Variants in CDHR4 observed in about 807,000 individuals in gnomAD.
The protein encoded by CDHR4 is cadherin-related family member 4.
In CDHR4, 89 loss-of-function variants were observed where a neutral mutation model predicts 88.4. That is an observed-to-expected ratio of 1.01 (90% confidence interval 0.85 to 1.20). The LOEUF is 1.20. Among genes scored for constraint, CDHR4 ranks in the 50% most tolerant of loss-of-function variants. The probability of loss-of-function intolerance (pLI) is 0.00; values close to 1 mark genes in which losing one functional copy is unlikely to be tolerated. For synonymous variants in CDHR4, 368 were observed against 399.2 expected (o/e 0.92, Z 0.93); for missense variants, 914 against 1,007.2 (o/e 0.91, Z 1.25).
Position 49,791,777 on chromosome 3 carries a change from G to A in CDHR4, c.2220C>T (p.Ile740=), listed in dbSNP as rs536877712. The A allele has an allele frequency of 1.4e-5, 21 of 1,551,706 alleles. No homozygotes were observed. In the Admixed American group the frequency reaches 1.4e-4, roughly 10 times the overall value. ...LNSIQGTEGS[I]EGFLEAPKME... is the part of the protein sequence containing the mutation. ...TCTTCGGTGCCTCCAGGAAACCCTC[G>A]ATGGATCCCTCAGTTCCCTGGATGC... is the stretch of plus-strand genomic sequence containing the variant. Residue 740 remains isoleucine (I), a synonymous_variant, in exon 17 of 19, where the codon ATC becomes ATT. Transcript: ENST00000412678.
Position 49,797,024 on chromosome 3 carries a change from A to G in CDHR4, c.504T>C (p.Ile168=). ...GLELHGAQMS[I]ISAQDLPHFP... Reference sequence around the variant, plus strand: ...AGTGTGGCAGGTCCTGGGCACTGATAATGCTCATCTGACAGAACAGAGATG... The same window carrying G: ...AGTGTGGCAGGTCCTGGGCACTGATGATGCTCATCTGACAGAACAGAGATG... Residue 168 remains isoleucine (I), a synonymous_variant, in exon 5 of 19, where the codon ATT becomes ATC. Coordinates refer to ENST00000412678, the MANE Select transcript of CDHR4 (RefSeq NM_001007540.4). 6.4e-7 allele frequency: 1 copy of G among 1,551,516 alleles called. No individual in the cohort carries two copies.
intron 18 of CDHR4, 50 bp from the exon 19 acceptor site, chr3:49,790,937 A>C: frequency 1.4e-6 from 2 of 1,418,796 alleles, no homozygotes; most frequent in Non-Finnish European, 1.9e-6. Context: ...CTGGCCCCAG[A>C]AGAACTGCCT....
rs2081328687 is a variant in CDHR4 at position 49,799,373 on chromosome 3, C to T, written c.114G>A (p.Gln38=). 2 of 1,612,164 alleles carry T rather than the reference C, an allele frequency of 1.2e-6. No individual in the cohort carries two copies. The highest frequency in any genetic ancestry group is 2.2e-5 in the South Asian group (2 of 90,690). The change falls in exon 2 of 19, where the codon CAG becomes CAA. Residue 38 remains glutamine (Q), a synonymous_variant. Transcript: ENST00000412678. ...AGGAGGAGCAGTTGAAGGATAAAAA[C>T]TGAAGGACTGTGCCAGGGCCCTGGC... ...SESQGPGTVL[Q]FLSFNCSSYT...
upstream of CDHR4, chr3:49,799,975 C>T (rs1230113921): frequency 1.6e-6 from 1 of 638,080 alleles, no homozygotes. Flanking sequence ...AGTTCTAGAC[C>T]TCTGGCAGGC....
At chr3:49,800,735 T>G (rs999633181), upstream of CDHR4, among the ~76,000 whole-genome samples, 2 of 151,916 alleles carry the variant, frequency 1.3e-5, no homozygotes, top group African/African-American at 4.8e-5. Context: ...TTGAGATCTG[T>G]CTATTTATTG....
chr3:49,799,251 C>A lies in CDHR4; in HGVS notation c.236G>T (p.Gly79Val). The change falls in exon 2 of 19, where the codon GGC becomes GTC. Residue 79 changes from glycine (G) to valine (V), a missense_variant. Gly to Val is a moderately radical substitution (Grantham distance 109). Coordinates refer to ENST00000412678, the MANE Select transcript of CDHR4 (RefSeq NM_001007540.4). ...CAGCTGTACACATGACCCTACCTTG[C>A]CCACATAGGTCCCTTGCCACCTGGC... ...SLARWQGTYV[G>V]KLTLSSSAQL... The A allele has an allele frequency of 6.2e-7, 1 of 1,613,436 alleles. No homozygotes were observed. Among genetic ancestry groups the A allele is most frequent in the Admixed American group, 1.7e-5 (1 of 59,976 alleles).
chr3:49,791,667 C>T, intron 17 of CDHR4, 47 bp downstream of exon 17: 1 of 1,546,916 alleles, frequency 6.5e-7, no homozygotes. Context: ...GGGGAGTACT[C>T]TGAAGCACCC....
rs994656632 is a variant in CDHR4 at position 49,793,975 on chromosome 3, G to A, written c.1311C>T (p.Pro437=). 3.2e-6 allele frequency: 5 copies of A among 1,551,692 alleles called. No homozygotes were observed. In the East Asian group the frequency reaches 1.2e-4, roughly 38 times the overall value. Residue 437 remains proline, a synonymous_variant, in exon 11 of 19, where the codon CCC becomes CCT. Transcript: ENST00000412678. The part of the protein sequence containing the change: ...TEVPVLVMVT[P]INEFSPACAP... ...CACAGGCTGGGGAGAACTCGTTGAT[G>A]GGTGTCACCATCACCAGTACCGGCA... is the stretch of plus-strand genomic sequence containing the variant.
Position 49,799,323 on chromosome 3 carries a change from A to T in CDHR4, c.164T>A (p.Leu55Ter). 2.5e-6 allele frequency: 4 copies of T among 1,613,928 alleles called. No homozygotes were observed. The highest frequency in any genetic ancestry group is 2.5e-6 in the Non-Finnish European group (3 of 1,179,858). ...GGTGGTGGGTGGCTGGACATTGAGC[A>T]ACTCCAGGGTGGGTGTGGGCGTGTA... Reference protein sequence around the residue: ...SSYTPTPTLELLNVQPPTTFF... With the variant: ...SSYTPTPTLE The change falls in exon 2 of 19, where the codon TTG becomes TAG. Residue 55 changes from leucine (L) to a stop codon, truncating the protein, a stop_gained. Coordinates refer to ENST00000412678, the MANE Select transcript of CDHR4 (RefSeq NM_001007540.4). LOFTEE classifies it high-confidence loss of function.
At chr3:49,792,774 T>C in intron 14 of CDHR4, 80 bp downstream of exon 14, 3 of 1,460,956 alleles carry the variant, frequency 2.1e-6, no homozygotes, top group Admixed American at 2.3e-5. Flanking sequence ...TTCCCCATAG[T>C]TCCACCTGAA....
chr3:49,792,573 G>A lies in CDHR4; in HGVS notation c.2033C>T (p.Thr678Ile), dbSNP rs745827375. The stretch of plus-strand genomic sequence containing the variant: ...GGGCTGTGGCTGCCAGAAAGCCTCT[G>A]TGTCTGTCACGAGCATGGGTGTCAT... ...STMTPMLVTD[T>I]EAFWQPQPWF... is the part of the protein sequence containing the mutation. Residue 678 changes from threonine to isoleucine, a missense_variant, in exon 15 of 19, where the codon ACA becomes ATA. Transcript: ENST00000412678. The A allele has an allele frequency of 1.3e-6, 2 of 1,551,698 alleles. 1 individual carries two copies. Among genetic ancestry groups the A allele is most frequent in the South Asian group, 2.4e-5 (2 of 84,060 alleles).
intron 18 of CDHR4, 122 bp from the exon 19 acceptor site, chr3:49,791,009 C>T: frequency 1.3e-6 from 1 of 741,328 alleles, no homozygotes. Flanking sequence ...GACATCCCAC[C>T]TTCGCTGGAA....
chr3:49,794,092 T>TG (rs953010776), intron 10 of CDHR4, 86 bp from the exon 11 acceptor site: 111 of 1,357,536 alleles, frequency 8.2e-5, no homozygotes, highest in Non-Finnish European at 1.1e-4. Flanking sequence ...GGCCCTGCCC[T>TG]GGGGGTCTAA....
rs779824210 is a variant in CDHR4 at position 49,790,852 on chromosome 3, CTG to C, written c.2345_2346del (p.Thr782ArgfsTer33). On this transcript the variant is annotated frameshift_variant, in exon 19 of 19. Coordinates refer to ENST00000412678, the MANE Select transcript of CDHR4 (RefSeq NM_001007540.4). LOFTEE classifies it high-confidence loss of function. ...TGGCCTCAGAGCCAGCGCCGGGCTC[CTG>C]TGTGTGTGTTAAACAGGTAGTCTCT... ...TGRDYLFNTH[T>X]GARRWL 3 of 1,551,038 alleles carry C rather than the reference CTG, an allele frequency of 1.9e-6. No individual in the cohort carries two copies. Among genetic ancestry groups the C allele is most frequent in the Non-Finnish European group, 1.7e-6 (2 of 1,146,566 alleles).
rs775219473 is a variant in CDHR4, at chr3:49,791,950, C to G, written c.2148G>C (p.Gln716His). Residue 716 changes from glutamine to histidine, a missense_variant, in exon 16 of 19, where the codon CAG (glutamine) becomes CAC (histidine). Coordinates refer to ENST00000412678, the MANE Select transcript of CDHR4 (RefSeq NM_001007540.4). Reference sequence around the variant, plus strand: ...CTGGTTTGCTGGGTGCTTGCAGCAGCTGGGCCAACCTAAAATGCCAGGAGG... The same window carrying G: ...CTGGTTTGCTGGGTGCTTGCAGCAGGTGGGCCAACCTAAAATGCCAGGAGG... Reference protein sequence around the residue: ...LLGRLLQGLAQLLQAPSKPAQ... With the variant: ...LLGRLLQGLAHLLQAPSKPAQ... 2.1e-5 allele frequency: 32 copies of G among 1,551,556 alleles called. No individual in the cohort carries two copies. In the East Asian group the frequency reaches 6.6e-4, roughly 32 times the overall value.
upstream of CDHR4, chr3:49,799,953 C>A (rs2081338603): frequency 4.1e-6 from 3 of 740,716 alleles, no homozygotes; most frequent in Admixed American, 5.2e-5. Context: ...CCCCACCCAT[C>A]CCTGGTGACT....
Position 49,793,288 on chromosome 3 carries a change from C to G in CDHR4, c.1647G>C (p.Glu549Asp). Reference sequence around the variant, plus strand: ...TGAGTTCCTGAAATGGGGGCTCACACTCGGGGGCATGGTCATTCACATCCT... The same window carrying G: ...TGAGTTCCTGAAATGGGGGCTCACAGTCGGGGGCATGGTCATTCACATCCT... The part of the protein sequence containing the change: ...EVEDVNDHAP[E>D]CEPPFQELTI... Residue 549 changes from glutamate to aspartate, a missense_variant, in exon 13 of 19, where the codon GAG (glutamate) becomes GAC (aspartate). Glu to Asp is a conservative substitution (Grantham distance 45, BLOSUM62 2). Transcript: ENST00000412678. 1 of 1,551,604 alleles carries G rather than the reference C, an allele frequency of 6.4e-7. No homozygotes were observed.
intron 4 of CDHR4, 62 bp from the exon 5 acceptor site, chr3:49,797,094 A>ACAACCCAGCAGCAACCCTCCAG (rs1559728621): frequency 7.2e-7 from 1 of 1,379,522 alleles, no homozygotes; most frequent in African/African-American, 1.4e-5. Flanking sequence ...ACCCCCATCG[A>ACAACCCAGCAGCAACCCTCCAG]CAACCCAGCA....
chr3:49,791,821 AG>A lies in CDHR4; in HGVS notation c.2196-21del. 6.4e-7 allele frequency: 1 copy of A among 1,551,686 alleles called. No individual in the cohort carries two copies. Among genetic ancestry groups the A allele is most frequent in the Non-Finnish European group, 8.7e-7 (1 of 1,146,950 alleles). On this transcript the variant is annotated intron_variant, in intron 16 of 18. Transcript: ENST00000412678. ...TGGATGCTGGGGCAAAGTACGAGCAAGAGTACAGGGCAAGGCTCTGGGCCCT... is the reference window on the plus strand; with the variant it reads ...TGGATGCTGGGGCAAAGTACGAGCAAAGTACAGGGCAAGGCTCTGGGCCCT...
Sources: gnomAD v4.1 joint callset for allele counts (sites outside exome capture counted in the v4.1 genomes callset) on GRCh38, gnomAD v4.1.1 for gene constraint, MANE v1.5 for transcripts, NCBI Gene and HGNC (gene_info 2026-07-23, HGNC 2026-07-21) for gene names.